Variants in ADCYAP1R1 observed in about 807,000 individuals in gnomAD.
ADCYAP1R1 encodes the protein pituitary adenylate cyclase-activating polypeptide type I receptor.
A neutral mutation model predicts 67.6 loss-of-function variants in ADCYAP1R1; 44 were observed. The ratio of observed to expected loss-of-function variants is 0.65; its 90% confidence interval spans 0.51 to 0.84. The LOEUF is 0.84. Ranked by LOEUF, ADCYAP1R1 falls within the 40% of genes least tolerant of loss-of-function variation. The pLI is 0.00. For synonymous variants in ADCYAP1R1, 222 were observed against 219.6 expected (o/e 1.01, Z -0.10); for missense variants, 477 against 587.9 (o/e 0.81, Z 1.95).
chr7:31,054,938 T>C (rs1287209057), intron 1 of ADCYAP1R1, among the ~76,000 whole-genome samples: 1 of 152,214 alleles, frequency 6.6e-6, no homozygotes, highest in African/African-American at 2.4e-5. Flanking sequence ...ACCCTCAGCC[T>C]TCCCTGAGGA....
chr7:31,063,106 G>A (rs1770090301), intron 1 of ADCYAP1R1, 88 bp from the exon 2 acceptor site: 7 of 739,598 alleles, frequency 9.5e-6, no homozygotes, highest in African/African-American at 1.7e-5. Context: ...CCGTGCTGCA[G>A]GGAGCTGGGG....
At chr7:31,083,112 T>C (rs1309461275) in intron 6 of ADCYAP1R1, among the ~76,000 whole-genome samples, 1 of 152,268 alleles carries the variant, frequency 6.6e-6, no homozygotes, top group Non-Finnish European at 1.5e-5. Context: ...TCTTGTTTTA[T>C]ACAATGTCTT....
chr7:31,106,001 T>C (rs1405565479), intron 15 of ADCYAP1R1, among the ~76,000 whole-genome samples: 1 of 152,232 alleles, frequency 6.6e-6, no homozygotes, highest in East Asian at 1.9e-4. Flanking sequence ...CAACCCTGAC[T>C]GGGAAGCTTT....
chr7:31,104,233 T>C (rs531937564), intron 14 of ADCYAP1R1, among the ~76,000 whole-genome samples: 25 of 152,192 alleles, frequency 1.6e-4, no homozygotes, highest in African/African-American at 5.3e-4. Context: ...CTGGGGTCCT[T>C]GAGCTATCAT....
Position 31,086,895 on chromosome 7 carries a change from C to T in ADCYAP1R1, c.824-48C>T. On this transcript the variant is annotated intron_variant, in intron 10 of 15. Coordinates refer to ENST00000304166, the MANE Select transcript of ADCYAP1R1 (RefSeq NM_001118.5). This position sits in a 1 kb window ranked among gnomAD's most constrained non-coding sequence, Gnocchi z 5.0. ...CCCCAGGTCTACGGTGGACATTGGA[C>T]ATGTTGGTTTTCCTGTTCTCACGGA... 1 of 1,590,222 alleles carries T rather than the reference C, an allele frequency of 6.3e-7. No individual in the cohort carries two copies. Among genetic ancestry groups the T allele is most frequent in the Non-Finnish European group, 8.6e-7 (1 of 1,158,232 alleles).
In ADCYAP1R1 at chr7:31,086,317, C is replaced by T. The variant is rs2128631029; in HGVS notation, c.670-67C>T. 2.6e-6 allele frequency: 4 copies of T among 1,553,180 alleles called. No individual in the cohort carries two copies. The highest frequency in any genetic ancestry group is 3.7e-5 in the Admixed American group (2 of 54,736). ...CTGAGCATGCCAGAGCCAACGGGCC[C>T]TAGGATTCTCCCTTGCTCCTGTTCC... On this transcript the variant is annotated intron_variant, in intron 9 of 15. Transcript: ENST00000304166. The surrounding 1 kb of genome is among the most constrained non-coding windows in gnomAD (Gnocchi z 5.0).
intron 14 of ADCYAP1R1, 87 bp from the exon 15 acceptor site, chr7:31,104,781 C>A: frequency 2.1e-6 from 3 of 1,462,974 alleles, no homozygotes; most frequent in Non-Finnish European, 2.9e-6. Flanking sequence ...TGTATTTCTG[C>A]TTCCTAGAGT....
intron 3 of ADCYAP1R1, among the ~76,000 whole-genome samples, chr7:31,067,387 G>A (rs1224602079): frequency 2.0e-5 from 3 of 152,164 alleles, no homozygotes; most frequent in African/African-American, 7.2e-5. Context: ...ACCCTTTCCT[G>A]CTCTGGGCCT....
intron 13 of ADCYAP1R1, 66 bp from the exon 14 acceptor site, chr7:31,103,171 C>A: frequency 6.3e-7 from 1 of 1,581,678 alleles, no homozygotes; most frequent in Non-Finnish European, 8.6e-7. Flanking sequence ...GAGTTCTCTG[C>A]CCTCCGTGGC....
At chr7:31,091,913 T>G (rs531574000) in intron 12 of ADCYAP1R1, among the ~76,000 whole-genome samples, 5 of 152,044 alleles carry the variant, frequency 3.3e-5, no homozygotes, top group Admixed American at 1.3e-4. Flanking sequence ...CTTATATAAG[T>G]TACGTTTGTG....
intron 4 of ADCYAP1R1, among the ~76,000 whole-genome samples, chr7:31,080,031 T>C (rs1439302711): frequency 2.0e-5 from 3 of 152,232 alleles, no homozygotes; most frequent in Non-Finnish European, 4.4e-5. Flanking sequence ...TTAAAGTTTG[T>C]TTATTGAACA....
At chr7:31,068,981 C>G (rs1794860014) in intron 3 of ADCYAP1R1, among the ~76,000 whole-genome samples, 1 of 152,208 alleles carries the variant, frequency 6.6e-6, no homozygotes, top group South Asian at 2.1e-4. Flanking sequence ...CCCCTCTCAT[C>G]ATACCTGCAG....
chr7:31,071,416 C>G (rs1794974596), intron 3 of ADCYAP1R1, among the ~76,000 whole-genome samples: 1 of 152,136 alleles, frequency 6.6e-6, no homozygotes, highest in Non-Finnish European at 1.5e-5. Flanking sequence ...CAGTGGGGGC[C>G]TATACACAGA....
intron 4 of ADCYAP1R1, among the ~76,000 whole-genome samples, chr7:31,079,448 G>A (rs529499018): frequency 6.6e-5 from 10 of 152,202 alleles, no homozygotes; most frequent in South Asian, 2.1e-4. Context: ...TGGCCTTAGC[G>A]TTCTTCTTTT....
chr7:31,088,039 T>C (rs1412923805), intron 12 of ADCYAP1R1, among the ~76,000 whole-genome samples: 2 of 152,240 alleles, frequency 1.3e-5, no homozygotes, highest in African/African-American at 4.8e-5. Context: ...GCAAAAACCC[T>C]TTAACAATTT....
At chr7:31,098,125 C>T (rs556262877) in intron 13 of ADCYAP1R1, among the ~76,000 whole-genome samples, 36 of 152,274 alleles carry the variant, frequency 2.4e-4, no homozygotes, top group Non-Finnish European at 4.6e-4. Flanking sequence ...TGGTCTCAAA[C>T]TCCTGAACTC....
chr7:31,078,618 G>A (rs568157520), intron 4 of ADCYAP1R1, among the ~76,000 whole-genome samples: 1 of 152,248 alleles, frequency 6.6e-6, no homozygotes, highest in Non-Finnish European at 1.5e-5. Context: ...GGGGAAGGCA[G>A]CTGGACACAA....
In ADCYAP1R1 at chr7:31,090,789, C is replaced by T. The variant is rs138575647; in HGVS notation, c.955-1855C>T. ...GCTGTGTAGTAGTCCATGGTGTATA[C>T]GTGCCACATTTTCTTTATCCAATCC... On this transcript the variant is annotated intron_variant, in intron 12 of 15. Coordinates refer to ENST00000304166, the MANE Select transcript of ADCYAP1R1 (RefSeq NM_001118.5). Among the ~76,000 whole-genome samples the T allele has an allele frequency of 4.8e-3, 725 of 152,296 alleles. 4 individuals are homozygous for T. Among genetic ancestry groups the T allele is most frequent in the African/African-American group, 0.017 (690 of 41,564 alleles).
intron 7 of ADCYAP1R1, 48 bp downstream of exon 7, chr7:31,084,298 G>A (rs1795647727): frequency 6.6e-6 from 10 of 1,525,216 alleles, no homozygotes; most frequent in Non-Finnish European, 9.1e-6. Context: ...GTAGGGCTGA[G>A]GAAATTTAGG....
Sources: gnomAD v4.1 joint callset for allele counts (sites outside exome capture counted in the v4.1 genomes callset) on GRCh38, gnomAD v4.1.1 for gene constraint, Gnocchi (gnomAD v3.1) non-coding constraint, MANE v1.5 for transcripts, NCBI Gene and HGNC (gene_info 2026-07-23, HGNC 2026-07-21) for gene names.